The following RHEB variants were observed in gnomAD, a reference collection of about 807,000 sequenced individuals.
RHEB encodes Ras homolog, mTORC1 binding.
RHEB carries 2 observed loss-of-function variants against 28.8 expected under a neutral mutation model. The observed-to-expected ratio is 0.07, with a 90% CI of 0.03 to 0.22. The LOEUF (loss-of-function observed/expected upper bound fraction) is 0.22, where lower values mean the gene tolerates loss of function less well. RHEB is among the 10% of genes least tolerant of loss of function. The pLI, the probability that RHEB is intolerant of heterozygous loss-of-function variation, is 1.00. For synonymous variants in RHEB, 69 were observed against 77.3 expected (o/e 0.89, Z 0.56); for missense variants, 76 against 219.9 (o/e 0.35, Z 4.14).
At chr7:151,514,165 T>C (rs2150940009) in intron 1 of RHEB, among the ~76,000 whole-genome samples, 1 of 152,324 alleles carries the variant, frequency 6.6e-6, no homozygotes, top group Non-Finnish European at 1.5e-5. Flanking sequence ...GGCAACTTGA[T>C]ATCCACATGC....
chr7:151,504,857 A>T (rs375179548), intron 1 of RHEB, among the ~76,000 whole-genome samples: 1 of 152,180 alleles, frequency 6.6e-6, no homozygotes, highest in East Asian at 1.9e-4. Context: ...AAACCTGTTG[A>T]ATGCTACCTC....
At chr7:151,515,059 A>T (rs1163859184) in intron 1 of RHEB, among the ~76,000 whole-genome samples, 2 of 122,778 alleles carry the variant, frequency 1.6e-5, no homozygotes, top group Admixed American at 8.9e-5. Context: ...ATAAATAAAA[A>T]ATAATAGCCA....
chr7:151,503,440 G>C (rs1802808784), intron 1 of RHEB: 1 of 1,199,400 alleles, frequency 8.3e-7, no homozygotes, highest in African/African-American at 1.5e-5. Context: ...AGGAGACAAT[G>C]AATTTTTTGA....
At chr7:151,471,853 A>G (rs1584846707) in intron 4 of RHEB, 1 of 446,784 alleles carries the variant, frequency 2.2e-6, no homozygotes, top group East Asian at 3.7e-5. Context: ...AAAGCCTACC[A>G]CTGGGCTGAG....
At chr7:151,470,987 GAA>G (rs1802152731) in intron 6 of RHEB, among the ~76,000 whole-genome samples, 1 of 152,250 alleles carries the variant, frequency 6.6e-6, no homozygotes, top group Admixed American at 6.5e-5. Flanking sequence ...GGGAAATTGT[GAA>G]AGAGCCTGAA....
At chr7:151,481,617 C>T (rs1378686460) in intron 3 of RHEB, among the ~76,000 whole-genome samples, 1 of 152,216 alleles carries the variant, frequency 6.6e-6, no homozygotes, top group Non-Finnish European at 1.5e-5. Flanking sequence ...GCCTGTGTGC[C>T]ACCATCCTGA....
At chr7:151,503,154 T>C (rs1284680486) in intron 1 of RHEB, 6 of 792,454 alleles carry the variant, frequency 7.6e-6, no homozygotes, top group Admixed American at 1.7e-5. Flanking sequence ...AGATATGTTC[T>C]TTATTGCCAA....
intron 1 of RHEB, among the ~76,000 whole-genome samples, chr7:151,515,290 A>G (rs571785797): frequency 6.6e-6 from 1 of 152,242 alleles, no homozygotes; most frequent in Non-Finnish European, 1.5e-5. Context: ...GTCCAGAGTA[A>G]GTAAATTCAT....
intron 2 of RHEB, among the ~76,000 whole-genome samples, chr7:151,489,335 C>T (rs1479940812): frequency 1.3e-5 from 2 of 152,220 alleles, no homozygotes; most frequent in Non-Finnish European, 2.9e-5. Context: ...CCAGCACTCA[C>T]ATTAATCTGC....
At chr7:151,493,560 G>A (rs191810619) in intron 1 of RHEB, among the ~76,000 whole-genome samples, 4 of 152,294 alleles carry the variant, frequency 2.6e-5, no homozygotes, top group Admixed American at 2.6e-4. Flanking sequence ...CGAAATTAAA[G>A]CGTAGATCTC....
intron 1 of RHEB, among the ~76,000 whole-genome samples, chr7:151,504,136 C>T (rs1670459142): frequency 6.6e-6 from 1 of 152,216 alleles, no homozygotes; most frequent in African/African-American, 2.4e-5. Flanking sequence ...TGGGCCAGTG[C>T]ACTGTTTACT....
intron 1 of RHEB, among the ~76,000 whole-genome samples, chr7:151,492,838 A>T (rs984123075): frequency 4.6e-4 from 57 of 125,156 alleles, no homozygotes; most frequent in African/African-American, 6.9e-4. Flanking sequence ...AATTCTCAAC[A>T]TTTTTTTTTT....
intron 2 of RHEB, among the ~76,000 whole-genome samples, chr7:151,489,161 C>T (rs982624634): frequency 5.9e-5 from 9 of 152,128 alleles, no homozygotes; most frequent in South Asian, 4.1e-4. Flanking sequence ...GCAGAGCTTA[C>T]GAAGAAAACA....
chr7:151,512,746 C>G (rs1219762201), intron 1 of RHEB, among the ~76,000 whole-genome samples: 1 of 152,182 alleles, frequency 6.6e-6, no homozygotes, highest in Non-Finnish European at 1.5e-5. Flanking sequence ...CAGCAGTGAA[C>G]AAGATCCTAG....
chr7:151,466,672 C>T lies in RHEB; in HGVS notation c.*447G>A, dbSNP rs1402585657. The T allele has an allele frequency of 6.4e-6, 1 of 155,824 alleles. No individual in the cohort carries two copies. The highest frequency in any genetic ancestry group is 2.4e-5 in the African/African-American group (1 of 41,482). 9.7% of individuals were successfully genotyped at this position (155,824 alleles called of 1,614,324 possible). On this transcript the variant is annotated 3_prime_UTR_variant, in exon 8 of 8. Transcript: ENST00000262187. ...AAGTGAGAAACTCAGGACAAGGCTTCTCTTCTTTGAAAGCCACATCAAGTA... is the reference window on the plus strand; with the variant it reads ...AAGTGAGAAACTCAGGACAAGGCTTTTCTTCTTTGAAAGCCACATCAAGTA...
rs773531665 is a variant in RHEB, at chr7:151,519,496, A to C, written c.16T>G (p.Ser6Ala). The change falls in exon 1 of 8, where the codon TCC becomes GCC. Residue 6 changes from serine to alanine, a missense_variant. Ser to Ala is a moderately conservative substitution (Grantham distance 99, BLOSUM62 1). Coordinates refer to ENST00000262187, the MANE Select transcript of RHEB (RefSeq NM_005614.4). The stretch of plus-strand genomic sequence containing the variant: ...TAGCCCAGGATCGCGATCTTCCGGG[A>C]CTTGGACTGCGGCATCTTGGCGGCC... MPQSK[S>A]RKIAILGYRS... 6.4e-7 allele frequency: 1 copy of C among 1,554,554 alleles called. No individual in the cohort carries two copies. The highest frequency in any genetic ancestry group is 8.7e-7 in the Non-Finnish European group (1 of 1,151,976).
intron 1 of RHEB, among the ~76,000 whole-genome samples, chr7:151,512,975 T>C (rs1803018549): frequency 6.6e-6 from 1 of 152,218 alleles, no homozygotes; most frequent in Admixed American, 6.5e-5. Context: ...AAAACAGTAG[T>C]TACAAACTGA....
At chr7:151,516,887 C>T (rs916064436) in intron 1 of RHEB, among the ~76,000 whole-genome samples, 2 of 152,108 alleles carry the variant, frequency 1.3e-5, no homozygotes, top group Non-Finnish European at 2.9e-5. Flanking sequence ...CACAGGTACT[C>T]AAATTTCTCT....
At chr7:151,487,531 A>T (rs866492929) in intron 2 of RHEB, among the ~76,000 whole-genome samples, 3,797 of 152,260 alleles carry the variant, frequency 0.025, 145 homozygotes, top group African/African-American at 0.086. Flanking sequence ...AAAAGAAAAA[A>T]AAAAAAATAA....
Sources: allele counts gnomAD v4.1 joint callset (sites outside exome capture counted in the v4.1 genomes callset), GRCh38; gene constraint gnomAD v4.1.1; transcripts MANE v1.5; gene names NCBI Gene and HGNC (gene_info 2026-07-23, HGNC 2026-07-21).